Variants in CNGB1 observed in about 807,000 individuals in gnomAD.
The protein encoded by CNGB1 is cyclic nucleotide gated channel subunit beta 1.
A neutral mutation model predicts 151.7 loss-of-function variants in CNGB1; 126 were observed. The ratio of observed to expected loss-of-function variants is 0.83; its 90% CI spans 0.72 to 0.96. The LOEUF (loss-of-function observed/expected upper bound fraction) is 0.96. Among genes scored for constraint, CNGB1 ranks in the 40% least tolerant of loss-of-function variants. CNGB1 has a pLI of 0.00. For synonymous variants in CNGB1, 623 were observed against 635.1 expected (o/e 0.98, Z 0.29); for missense variants, 1,698 against 1,627.0 (o/e 1.04, Z -0.75).
intron 2 of CNGB1, among the ~76,000 whole-genome samples, chr16:57,965,952 A>G (rs561153559): frequency 6.6e-6 from 1 of 152,338 alleles, no homozygotes; most frequent in South Asian, 2.1e-4. Context: ...ATATACGTGT[A>G]TATACATGCA....
At chr16:57,940,439 G>A (rs989549147) in intron 14 of CNGB1, 118 bp from the exon 15 acceptor site, 17 of 967,654 alleles carry the variant, frequency 1.8e-5, no homozygotes, top group Non-Finnish European at 2.5e-5. Flanking sequence ...AGATGCCCAA[G>A]AACCAGTCTC....
Position 57,943,333 on chromosome 16 carries a change from G to A in CNGB1, c.1122-3012C>T, listed in dbSNP as rs192328478. Among the ~76,000 whole-genome samples, 44 of 151,966 alleles carry A rather than the reference G, an allele frequency of 2.9e-4. No individual in the cohort carries two copies. The South Asian group carries it at 3.9e-3, about 14-fold the overall frequency. On this transcript the variant is annotated intron_variant, in intron 14 of 32. Transcript: ENST00000251102. Reference sequence around the variant, plus strand: ...CATCAGAGAAATGCAAATCAAAACCGCAATGAAATATTAACTTCTCACCTG... The same window carrying A: ...CATCAGAGAAATGCAAATCAAAACCACAATGAAATATTAACTTCTCACCTG...
chr16:57,949,196 C>A (rs1261276718), intron 14 of CNGB1, among the ~76,000 whole-genome samples, 157 bp downstream of exon 14: 1 of 151,972 alleles, frequency 6.6e-6, no homozygotes, highest in Non-Finnish European at 1.5e-5. Flanking sequence ...AGCAGGGGAA[C>A]CCCAGCTTCT....
rs528536146 is a variant in CNGB1, at chr16:57,957,894, T to C, written c.837+516A>G. 2.6e-5 allele frequency among the ~76,000 whole-genome samples: 4 copies of C among 152,214 alleles called. No homozygotes were observed. The South Asian group carries it at 6.2e-4, about 24-fold the overall frequency. On this transcript the variant is annotated intron_variant, in intron 11 of 32. Transcript: ENST00000251102. ...AGGCCTCCCACCTCCCAGTTCCAGG[T>C]GCTTCTATAAAGACGTCCAATTGCA...
At chr16:57,887,190 T>C (rs1959955500) in intron 32 of CNGB1, among the ~76,000 whole-genome samples, 1 of 152,188 alleles carries the variant, frequency 6.6e-6, no homozygotes, top group South Asian at 2.1e-4. Context: ...CTGACCCAAA[T>C]ATCTTAAATT....
rs990301330 is a variant in CNGB1, at chr16:57,882,806, T to C, written c.*1358A>G. The C allele has an allele frequency of 4.6e-5, 7 of 151,450 alleles. No individual in the cohort carries two copies. The highest frequency in any genetic ancestry group is 7.4e-5 in the Non-Finnish European group (5 of 67,898). The allele number at this position is 151,450 out of a possible 1,614,324, so 9.4% of individuals were successfully genotyped here. A position where few individuals can be genotyped will look rare whatever the true frequency, so the allele number is the denominator to read the frequency against. On this transcript the variant is annotated 3_prime_UTR_variant, in exon 33 of 33. Coordinates refer to ENST00000251102, the MANE Select transcript of CNGB1 (RefSeq NM_001297.5). ...TCTTTTTTTTTCTTTTTTCTTTTTT[T>C]TTTTTTGTCTGAATCATAAAAGCAA...
intron 32 of CNGB1, 41 bp from the exon 33 acceptor site, chr16:57,884,498 G>C (rs779446425): frequency 2.5e-6 from 4 of 1,611,266 alleles, no homozygotes; most frequent in Middle Eastern, 1.7e-4. Flanking sequence ...ACAGACTCTC[G>C]GAGGGGTCTT....
At chr16:57,920,113 G>A (rs1344934895) in intron 19 of CNGB1, among the ~76,000 whole-genome samples, 3 of 152,200 alleles carry the variant, frequency 2.0e-5, no homozygotes, top group South Asian at 2.1e-4. Context: ...TCACCTACCA[G>A]TAGGAAAGGG....
chr16:57,904,993 C>T, intron 25 of CNGB1, 118 bp from the exon 26 acceptor site: 1 of 1,332,808 alleles, frequency 7.5e-7, no homozygotes, highest in Non-Finnish European at 1.1e-6. Context: ...AAACCCTTTA[C>T]AGCTCATCTA....
At chr16:57,962,664 C>T in intron 6 of CNGB1, 54 bp from the exon 7 acceptor site, 1 of 1,591,476 alleles carries the variant, frequency 6.3e-7, no homozygotes, top group East Asian at 2.2e-5. Flanking sequence ...CCTGCCCCAG[C>T]CCCCTGGGCA....
Position 57,901,572 on chromosome 16 carries a change from T to A in CNGB1, c.2848A>T (p.Ile950Phe). ...CTAACGATGTTGTAGTTCACGTCGA[T>A]GGCGAGGTCCAGCCGCATCTTGTCT... ...LPDKMRLDLA[I>F]DVNYNIVSKV... The change falls in exon 28 of 33, where the codon ATC becomes TTC. Residue 950 changes from isoleucine to phenylalanine, a missense_variant. Ile to Phe is a conservative substitution (Grantham distance 21). Coordinates refer to ENST00000251102, the MANE Select transcript of CNGB1 (RefSeq NM_001297.5). 1 of 1,614,202 alleles carries A rather than the reference T, an allele frequency of 6.2e-7. No homozygotes were observed. The highest frequency in any genetic ancestry group is 8.5e-7 in the Non-Finnish European group (1 of 1,180,046).
chr16:57,896,781 C>T (rs1257914287), intron 31 of CNGB1, among the ~76,000 whole-genome samples: 1 of 151,068 alleles, frequency 6.6e-6, no homozygotes, highest in African/African-American at 2.4e-5. Flanking sequence ...GGCCTATATG[C>T]TTAAAAGAAG....
rs1452697207 is a variant in CNGB1 at position 57,917,408 on chromosome 16, C to T, written c.2026G>A (p.Val676Met). The part of the protein sequence containing the change: ...AWNWNCWLIP[V>M]RWAFPYQTPD... ...GTCTGGTAGGGGAAGGCCCAGCGCACGGGAATCAGCCAACAGTTCCAATTC... is the reference window on the plus strand; with the variant it reads ...GTCTGGTAGGGGAAGGCCCAGCGCATGGGAATCAGCCAACAGTTCCAATTC... Residue 676 changes from valine to methionine, a missense_variant, in exon 21 of 33, where the codon GTG becomes ATG. By Grantham distance (21) the Val-to-Met change is conservative. Transcript: ENST00000251102. The T allele has an allele frequency of 2.5e-6, 4 of 1,613,890 alleles. No homozygotes were observed. Among genetic ancestry groups the T allele is most frequent in the East Asian group, 2.2e-5 (1 of 44,884 alleles).
chr16:57,919,657 G>A (rs1960973506), intron 19 of CNGB1, among the ~76,000 whole-genome samples: 1 of 152,114 alleles, frequency 6.6e-6, no homozygotes, highest in Non-Finnish European at 1.5e-5. Context: ...AATGCTGAAG[G>A]GCCTAACAAA....
In CNGB1 at chr16:57,939,688, G is replaced by C; in HGVS notation, c.1210-96C>G. Reference sequence around the variant, plus strand: ...AGATCTGCCTTCAGAAGTCCACATGGGCCCAGTTCTGCTTCTTGCCCTGCC... The same window carrying C: ...AGATCTGCCTTCAGAAGTCCACATGCGCCCAGTTCTGCTTCTTGCCCTGCC... On this transcript the variant is annotated intron_variant, in intron 15 of 32. Coordinates refer to ENST00000251102, the MANE Select transcript of CNGB1 (RefSeq NM_001297.5). 3 of 1,531,568 alleles carry C rather than the reference G, an allele frequency of 2.0e-6. No homozygotes were observed. In the East Asian group the frequency reaches 6.7e-5, roughly 34 times the overall value. 94.9% of individuals were successfully genotyped at this position (1,531,568 alleles called of 1,614,324 possible).
At chr16:57,937,590 C>G (rs1303993172) in intron 16 of CNGB1, among the ~76,000 whole-genome samples, 1 of 152,206 alleles carries the variant, frequency 6.6e-6, no homozygotes, top group Non-Finnish European at 1.5e-5. Context: ...GCTCCCTCCA[C>G]TTACCAACCA....
Position 57,884,084 on chromosome 16 carries a change from GGGGCGCTGGGGCGCAGGGGCGCAGC to G in CNGB1, c.*55_*79del, listed in dbSNP as rs1165907029. Reference sequence around the variant, plus strand: ...CTTCTCTTGAGCCGTGGGGGAAGGTGGGGCGCTGGGGCGCAGGGGCGCAGCGGGCGCTGGGGACACACCTGCTGGA... The same window carrying G: ...CTTCTCTTGAGCCGTGGGGGAAGGTGGGGCGCTGGGGACACACCTGCTGGA... On this transcript the variant is annotated 3_prime_UTR_variant, in exon 33 of 33. Transcript: ENST00000251102. The G allele has an allele frequency of 1.3e-6, 2 of 1,592,028 alleles. No homozygotes were observed. The highest frequency in any genetic ancestry group is 2.2e-5 in the South Asian group (2 of 90,564).
intron 14 of CNGB1, among the ~76,000 whole-genome samples, chr16:57,943,740 T>C (rs1246001254): frequency 6.6e-6 from 1 of 152,132 alleles, no homozygotes; most frequent in African/African-American, 2.4e-5. Flanking sequence ...GGTGGGATTG[T>C]AAATTCACAC....
intron 31 of CNGB1, among the ~76,000 whole-genome samples, chr16:57,890,589 T>G (rs1479131934): frequency 6.6e-6 from 1 of 152,264 alleles, no homozygotes; most frequent in Non-Finnish European, 1.5e-5. Context: ...TATGCTTCCC[T>G]GTAACTGAGA....
Sources: allele counts gnomAD v4.1 joint callset (sites outside exome capture counted in the v4.1 genomes callset), GRCh38; gene constraint gnomAD v4.1.1; transcripts MANE v1.5; gene names NCBI Gene and HGNC (gene_info 2026-07-23, HGNC 2026-07-21).